The following MTMR3 variants were observed in gnomAD, a reference collection of about 807,000 sequenced individuals.
MTMR3 encodes myotubularin related protein 3.
A neutral mutation model predicts 132.4 loss-of-function variants in MTMR3; 32 were observed. The ratio of observed to expected loss-of-function variants is 0.24; its 90% CI spans 0.18 to 0.32. The LOEUF (loss-of-function observed/expected upper bound fraction) is 0.32, where lower values mean the gene tolerates loss of function less well. Ranked by LOEUF, MTMR3 falls within the 10% of genes least tolerant of loss-of-function variation. The pLI is 1.00. For synonymous variants in MTMR3, 556 were observed against 550.3 expected (o/e 1.01, Z -0.14); for missense variants, 1,216 against 1,489.6 (o/e 0.82, Z 3.02).
chr22:29,915,817 T>C lies in MTMR3; in HGVS notation c.-138+32458T>C, dbSNP rs7286753. On this transcript the variant is annotated intron_variant, in intron 1 of 19. Coordinates refer to ENST00000401950, the MANE Select transcript of MTMR3 (RefSeq NM_021090.4). ...GGTTTCAGTCTACCATTTTGCCATT[T>C]GTTTTCTATTCATCCCGTCTATTCT... Among the ~76,000 whole-genome samples, 681 of 152,338 alleles carry C rather than the reference T, an allele frequency of 4.5e-3. 5 individuals carry two copies. Among genetic ancestry groups the C allele is most frequent in the African/African-American group, 0.015 (643 of 41,576 alleles).
At chr22:29,896,164 G>T (rs1259363959) in intron 1 of MTMR3, among the ~76,000 whole-genome samples, 1 of 152,092 alleles carries the variant, frequency 6.6e-6, no homozygotes, top group Non-Finnish European at 1.5e-5. Context: ...ACAAAAATTA[G>T]TTGGGCATGG....
chr22:29,948,530 G>A (rs2065993646), intron 1 of MTMR3, among the ~76,000 whole-genome samples: 1 of 152,146 alleles, frequency 6.6e-6, no homozygotes, highest in African/African-American at 2.4e-5. Context: ...TACCTACACA[G>A]AATAGGAATG....
intron 1 of MTMR3, among the ~76,000 whole-genome samples, chr22:29,929,687 T>C (rs1224192167): frequency 6.6e-6 from 1 of 152,080 alleles, no homozygotes; most frequent in Admixed American, 6.5e-5. Context: ...CTTTTTTTTG[T>C]ATTTTTAGCA....
Position 30,022,140 on chromosome 22 carries a change from G to A in MTMR3, c.3336+1G>A. On this transcript the variant is annotated splice_donor_variant, in intron 18 of 19. Coordinates refer to ENST00000401950, the MANE Select transcript of MTMR3 (RefSeq NM_021090.4). LOFTEE classifies it high-confidence loss of function. ...GCAGGTGGATAAACAGGACACAGAG[G>A]TACAGGCTCAGCCCCTGCTCTGAGT... The A allele has an allele frequency of 7.5e-6, 12 of 1,609,154 alleles. No individual in the cohort carries two copies. Among genetic ancestry groups the A allele is most frequent in the Non-Finnish European group, 1.0e-5 (12 of 1,175,524 alleles).
intron 5 of MTMR3, chr22:29,987,202 G>C (rs377068094): frequency 6.6e-6 from 1 of 152,314 alleles, no homozygotes; most frequent in Middle Eastern, 3.4e-3. Context: ...TTTAACCCCT[G>C]CTCCAGTTTC....
chr22:29,902,530 C>G (rs2065021585), intron 1 of MTMR3, among the ~76,000 whole-genome samples: 1 of 151,608 alleles, frequency 6.6e-6, no homozygotes, highest in Non-Finnish European at 1.5e-5. Flanking sequence ...CCACGCCTGG[C>G]TAATTTTTTT....
chr22:29,980,272 A>T (rs2066714541), intron 5 of MTMR3: 1 of 151,880 alleles, frequency 6.6e-6, no homozygotes, highest in African/African-American at 2.4e-5. Context: ...CTTTGTAGTT[A>T]AGCATTTATG....
intron 1 of MTMR3, among the ~76,000 whole-genome samples, chr22:29,952,577 G>A (rs1569021653): frequency 1.3e-5 from 2 of 152,142 alleles, no homozygotes; most frequent in Non-Finnish European, 2.9e-5. Flanking sequence ...ACCCTGGAAT[G>A]GCAGTTGTGT....
chr22:29,980,406 A>G (rs954756560), intron 5 of MTMR3: 3 of 152,204 alleles, frequency 2.0e-5, no homozygotes, highest in African/African-American at 2.4e-5. Context: ...GAAAGAGGCA[A>G]TGCTGTTCTT....
intron 15 of MTMR3, 127 bp from the exon 16 acceptor site, chr22:30,017,800 T>G: frequency 8.3e-7 from 1 of 1,205,624 alleles, no homozygotes; most frequent in Non-Finnish European, 1.2e-6. Context: ...TTGGTGCTGC[T>G]TCTTTGTGGA....
chr22:29,956,827 G>T (rs2066202043), intron 1 of MTMR3, among the ~76,000 whole-genome samples: 1 of 152,076 alleles, frequency 6.6e-6, no homozygotes, highest in Non-Finnish European at 1.5e-5. Flanking sequence ...ATTTCTGAAG[G>T]CATGCTAAGG....
intron 9 of MTMR3, chr22:30,003,621 C>T (rs1348765901): frequency 6.6e-6 from 1 of 152,206 alleles, no homozygotes; most frequent in African/African-American, 2.4e-5. Flanking sequence ...AATAAGTTCC[C>T]TAACTGACCT....
intron 5 of MTMR3, chr22:29,981,832 A>G (rs111827304): frequency 2.0e-3 from 181 of 91,734 alleles, no homozygotes; most frequent in African/African-American, 6.5e-3. Context: ...AAAAAAAAGG[A>G]AAAAAAAAAA....
At chr22:29,915,670 C>T (rs565024489) in intron 1 of MTMR3, among the ~76,000 whole-genome samples, 41 of 152,212 alleles carry the variant, frequency 2.7e-4, no homozygotes, top group Admixed American at 2.7e-3. Flanking sequence ...GTGATCCACC[C>T]GCCTTGGCCT....
At chr22:29,950,402 C>T (rs1287263357) in intron 1 of MTMR3, among the ~76,000 whole-genome samples, 2 of 150,756 alleles carry the variant, frequency 1.3e-5, no homozygotes, top group Non-Finnish European at 3.0e-5. Context: ...TTCACTCTGT[C>T]GCCCAGGCTG....
chr22:30,007,021 T>G (rs1017660622), intron 9 of MTMR3, 93 bp from the exon 10 acceptor site: 3 of 1,337,262 alleles, frequency 2.2e-6, no homozygotes, highest in Non-Finnish European at 3.1e-6. Context: ...TTACCTAGAA[T>G]TAGACTGTTC....
rs2065988164 is a variant in MTMR3, at chr22:29,948,279, C to T, written c.-137-8757C>T. 2.0e-5 allele frequency among the ~76,000 whole-genome samples: 3 copies of T among 152,188 alleles called. No individual in the cohort carries two copies. The South Asian group carries it at 6.2e-4, about 31-fold the overall frequency. ...TGCATTTTCATTCAGCTTTCTGGTC[C>T]TTGTCGATTTTTGATGTCTGTTATT... On this transcript the variant is annotated intron_variant, in intron 1 of 19. Transcript: ENST00000401950.
Position 30,026,561 on chromosome 22 carries a change from G to A in MTMR3, c.*760G>A, listed in dbSNP as rs1307913311. The A allele has an allele frequency of 6.5e-6, 1 of 153,008 alleles. No homozygotes were observed. The highest frequency in any genetic ancestry group is 1.5e-5 in the Non-Finnish European group (1 of 68,596). 9.5% of individuals were successfully genotyped at this position (153,008 alleles called of 1,614,324 possible). A position where few individuals can be genotyped will look rare whatever the true frequency, so the allele number is the denominator to read the frequency against. ...GTCTTGGGCTCCTTTTACTTTCAGG[G>A]GGCTGCTTTCCTGGGCCAGGCTGTG... On this transcript the variant is annotated 3_prime_UTR_variant, in exon 20 of 20. Coordinates refer to ENST00000401950, the MANE Select transcript of MTMR3 (RefSeq NM_021090.4).
At position 30,023,563 on chromosome 22, in the gene MTMR3, T is replaced by G. The variant is rs1428248547; in HGVS notation, c.3425+866T>G. The G allele has an allele frequency of 3.9e-6, 6 of 1,539,826 alleles. No individual in the cohort carries two copies. In the Admixed American group the frequency reaches 1.0e-4, roughly 26 times the overall value. ...CACACTAACTCTTATCATTTCCCCC[T>G]CTCTGCACTTACTAGGGTGAAGCCT... On this transcript the variant is annotated intron_variant, in intron 19 of 19. Transcript: ENST00000401950.
Sources: allele counts gnomAD v4.1 joint callset (sites outside exome capture counted in the v4.1 genomes callset), GRCh38; gene constraint gnomAD v4.1.1; transcripts MANE v1.5; gene names NCBI Gene and HGNC (gene_info 2026-07-23, HGNC 2026-07-21).